Variants in HECW2 observed in about 807,000 individuals in gnomAD.
The protein encoded by HECW2 is E3 ubiquitin-protein ligase HECW2.
In HECW2, 61 loss-of-function variants were observed where a neutral mutation model predicts 175.2. The ratio of observed to expected loss-of-function variants is 0.35; its 90% CI spans 0.28 to 0.43. The LOEUF (loss-of-function observed/expected upper bound fraction) is 0.43. Among genes scored for constraint, HECW2 ranks in the 20% least tolerant of loss-of-function variants. The pLI is 1.00. For missense variants in HECW2, 1,524 were observed against 2,000.5 expected, an observed-to-expected ratio of 0.76 and a Z score of 4.54; for synonymous variants, 671 against 731.0, an observed-to-expected ratio of 0.92 and a Z score of 1.32.
At chr2:196,326,401 G>A (rs552426665) in intron 5 of HECW2, among the ~76,000 whole-genome samples, 19 of 152,066 alleles carry the variant, frequency 1.2e-4, no homozygotes, top group African/African-American at 2.7e-4. Context: ...CAGTAGAGGC[G>A]GAAAGTTTGA....
At chr2:196,471,408 G>T (rs1697192304) in intron 1 of HECW2, among the ~76,000 whole-genome samples, 1 of 152,134 alleles carries the variant, frequency 6.6e-6, no homozygotes, top group Non-Finnish European at 1.5e-5. Context: ...GCAGTGTGGT[G>T]ATTCCTCAAA....
intron 16 of HECW2, among the ~76,000 whole-genome samples, chr2:196,272,481 A>G (rs1266685867): frequency 6.6e-6 from 1 of 152,232 alleles, no homozygotes; most frequent in African/African-American, 2.4e-5. Context: ...GAACTAGGAC[A>G]GAGTGTCTAA....
At chr2:196,239,075 T>C (rs747822227) in intron 21 of HECW2, 7 of 152,220 alleles carry the variant, frequency 4.6e-5, no homozygotes, top group African/African-American at 9.7e-5. Context: ...AGGCTAACAT[T>C]TGCCTTCATT....
intron 1 of HECW2, among the ~76,000 whole-genome samples, chr2:196,477,884 T>A (rs756410360): frequency 2.0e-5 from 3 of 152,086 alleles, no homozygotes; most frequent in African/African-American, 7.2e-5. Context: ...AAACCCCGTC[T>A]CTACTGAAAA....
At chr2:196,230,779 C>G (rs111509541) in intron 21 of HECW2, among the ~76,000 whole-genome samples, 7,546 of 152,222 alleles carry the variant, frequency 0.05, 611 homozygotes, top group African/African-American at 0.17. Flanking sequence ...AGGACTCCCC[C>G]ATCCTGTCTG....
intron 1 of HECW2, among the ~76,000 whole-genome samples, chr2:196,488,654 A>ACACC (rs1458470316): frequency 4.0e-5 from 6 of 151,690 alleles, no homozygotes; most frequent in African/African-American, 1.5e-4. Context: ...ACACACACAC[A>ACACC]CCCCACATAA....
intron 1 of HECW2, among the ~76,000 whole-genome samples, chr2:196,511,483 G>A (rs1162818805): frequency 1.3e-5 from 2 of 152,122 alleles, no homozygotes; most frequent in Non-Finnish European, 1.5e-5. Flanking sequence ...ACAAATATGT[G>A]AGCACCTATT....
At chr2:196,242,283 T>C in intron 19 of HECW2, 79 bp from the exon 20 acceptor site, 1 of 1,561,554 alleles carries the variant, frequency 6.4e-7, no homozygotes, top group Non-Finnish European at 8.8e-7. Context: ...GGACAAAAGC[T>C]ATCACAATCA....
intron 1 of HECW2, among the ~76,000 whole-genome samples, chr2:196,486,600 TG>T (rs1687016784): frequency 6.6e-6 from 1 of 152,162 alleles, no homozygotes. Context: ...AGCCCTCCCC[TG>T]GAAGAGACAG....
intron 1 of HECW2, among the ~76,000 whole-genome samples, chr2:196,473,844 A>G (rs1368925188): frequency 1.3e-5 from 2 of 152,254 alleles, no homozygotes; most frequent in Non-Finnish European, 2.9e-5. Context: ...GTGCTAAATT[A>G]ACATTCTCCA....
At chr2:196,585,143 C>T (rs561983614) in intron 1 of HECW2, among the ~76,000 whole-genome samples, 5 of 152,258 alleles carry the variant, frequency 3.3e-5, no homozygotes, top group East Asian at 1.9e-4. Context: ...TACATACCAA[C>T]GCCCAGATTT....
intron 15 of HECW2, among the ~76,000 whole-genome samples, chr2:196,277,054 T>C (rs1169184934): frequency 1.1e-4 from 17 of 152,240 alleles, no homozygotes; most frequent in Non-Finnish European, 2.5e-4. Context: ...AAGGGAATTT[T>C]CAGAAACAAT....
At chr2:196,317,695 TAAA>T (rs5837501) in intron 9 of HECW2, among the ~76,000 whole-genome samples, 1 of 145,212 alleles carries the variant, frequency 6.9e-6, no homozygotes, top group African/African-American at 2.5e-5. Flanking sequence ...AAACAAAATT[TAAA>T]AAAAAAAAGG....
intron 2 of HECW2, among the ~76,000 whole-genome samples, chr2:196,379,619 A>C (rs1559077277): frequency 6.7e-6 from 1 of 148,424 alleles, no homozygotes; most frequent in South Asian, 2.1e-4. Context: ...CGGGAGGCAG[A>C]GCTTGCAGTG....
intron 19 of HECW2, among the ~76,000 whole-genome samples, chr2:196,248,597 G>GACAGACACACAC (rs1553636701): frequency 9.0e-5 from 13 of 143,922 alleles, no homozygotes; most frequent in African/African-American, 2.9e-4. Flanking sequence ...GAGACAGACA[G>GACAGACACACAC]ACACACACAC....
chr2:196,522,210 G>C (rs1362369905), intron 1 of HECW2, among the ~76,000 whole-genome samples: 1 of 152,036 alleles, frequency 6.6e-6, no homozygotes, highest in Non-Finnish European at 1.5e-5. Context: ...TTGTGGTTTT[G>C]ATTTGCATTT....
chr2:196,328,485 T>C (rs1483476276), intron 5 of HECW2, among the ~76,000 whole-genome samples: 1 of 152,110 alleles, frequency 6.6e-6, no homozygotes, highest in Non-Finnish European at 1.5e-5. Flanking sequence ...GCACAGATAC[T>C]CAGAAGGCCA....
chr2:196,528,412 C>T (rs998488858), intron 1 of HECW2, among the ~76,000 whole-genome samples: 2 of 152,166 alleles, frequency 1.3e-5, no homozygotes, highest in Non-Finnish European at 2.9e-5. Flanking sequence ...CTGTTCTCCA[C>T]ATAAGAGGCA....
At chr2:196,544,643 C>T (rs1689346622) in intron 1 of HECW2, among the ~76,000 whole-genome samples, 2 of 152,138 alleles carry the variant, frequency 1.3e-5, no homozygotes, top group Admixed American at 6.5e-5. Flanking sequence ...GGTGCTACTT[C>T]GCAGACAGCA....
Sources: gnomAD v4.1 joint callset for allele counts (sites outside exome capture counted in the v4.1 genomes callset) on GRCh38, gnomAD v4.1.1 for gene constraint, MANE v1.5 for transcripts, NCBI Gene and HGNC (gene_info 2026-07-23, HGNC 2026-07-21) for gene names.